Variants in COL27A1 observed in about 807,000 individuals in gnomAD.
COL27A1 encodes collagen type XXVII alpha 1 chain.
COL27A1 carries 106 observed loss-of-function variants against 251.3 expected under a neutral mutation model. The ratio of observed to expected loss-of-function variants is 0.42; its 90% CI spans 0.36 to 0.50. The LOEUF is 0.50. Ranked by LOEUF, COL27A1 falls within the 20% of genes least tolerant of loss-of-function variation. The pLI is 0.00. For missense variants in COL27A1, 2,325 were observed against 2,522.8 expected (o/e 0.92, Z 1.68); for synonymous variants, 1,000 against 986.3 (o/e 1.01, Z -0.26).
chr9:114,213,881 C>G (rs138977540), intron 12 of COL27A1, among the ~76,000 whole-genome samples: 2 of 152,170 alleles, frequency 1.3e-5, no homozygotes, highest in Non-Finnish European at 2.9e-5. Context: ...TAAGACTAGG[C>G]TCTGATCTTC....
chr9:114,209,316 C>T, intron 10 of COL27A1: 1 of 493,434 alleles, frequency 2.0e-6, no homozygotes, highest in South Asian at 1.7e-5. Context: ...TACCAGCATC[C>T]CTGGGGGTGG....
intron 57 of COL27A1, among the ~76,000 whole-genome samples, chr9:114,305,484 G>T (rs887993296): frequency 1.3e-5 from 2 of 152,324 alleles, no homozygotes; most frequent in Admixed American, 1.3e-4. Flanking sequence ...CATGATGAAG[G>T]AAAGTGGCTC....
At position 114,288,982 on chromosome 9, in the gene COL27A1, G is replaced by C. The variant is rs780462897; in HGVS notation, c.4152+15G>C. ...AGGGCCAACCCGTGAGTGGTGCTTC[G>C]TGTCCCATCCCTGCCTCCCACCCTG... On this transcript the variant is annotated intron_variant, in intron 44 of 60. Transcript: ENST00000356083. The C allele has an allele frequency of 6.2e-7, 1 of 1,613,488 alleles. No homozygotes were observed. Among genetic ancestry groups the C allele is most frequent in the Non-Finnish European group, 8.5e-7 (1 of 1,179,884 alleles).
intron 39 of COL27A1, 48 bp from the exon 40 acceptor site, chr9:114,283,661 G>A (rs780765806): frequency 7.6e-6 from 12 of 1,572,376 alleles, no homozygotes; most frequent in African/African-American, 6.7e-5. Flanking sequence ...CTGTGTCCCC[G>A]CTGTGAGAGC....
In COL27A1 at chr9:114,302,117, G is replaced by C; in HGVS notation, c.4872+9G>C. The C allele has an allele frequency of 6.2e-7, 1 of 1,611,888 alleles. No individual in the cohort carries two copies. Among genetic ancestry groups the C allele is most frequent in the Non-Finnish European group, 8.5e-7 (1 of 1,177,998 alleles). On this transcript the variant is annotated intron_variant, in intron 56 of 60. Transcript: ENST00000356083. ...GGGGTCCTATCCAATTGGTAAGTTG[G>C]AAACCTTCTCTTTTGCCTACTTGGG...
intron 59 of COL27A1, among the ~76,000 whole-genome samples, chr9:114,308,565 G>A (rs1470375166): frequency 1.3e-5 from 2 of 152,166 alleles, no homozygotes; most frequent in Admixed American, 6.5e-5. Flanking sequence ...ACTCCCCTGC[G>A]GCCAGAGCTC....
intron 40 of COL27A1, among the ~76,000 whole-genome samples, chr9:114,284,499 C>A (rs1219234312): frequency 2.0e-5 from 3 of 152,182 alleles, no homozygotes; most frequent in Non-Finnish European, 1.5e-5. Flanking sequence ...AGGGTGGGGC[C>A]CCCAACCATC....
At chr9:114,293,694 TAC>T (rs1471768186) in intron 49 of COL27A1, among the ~76,000 whole-genome samples, 2 of 152,152 alleles carry the variant, frequency 1.3e-5, no homozygotes, top group East Asian at 3.8e-4. Context: ...GCAATGTCAC[TAC>T]AGATATGACA....
intron 14 of COL27A1, among the ~76,000 whole-genome samples, chr9:114,229,111 A>G (rs112946238): frequency 0.075 from 11,490 of 152,222 alleles, 1,098 homozygotes; most frequent in African/African-American, 0.22. Context: ...GGCATGAGCC[A>G]TGGCGCCACG....
At chr9:114,251,233 C>T (rs1328962290) in intron 25 of COL27A1, among the ~76,000 whole-genome samples, 3 of 152,102 alleles carry the variant, frequency 2.0e-5, no homozygotes, top group African/African-American at 4.8e-5. Context: ...TGGGTTTATC[C>T]GATCCCCAGA....
chr9:114,280,067 T>C lies in COL27A1; in HGVS notation c.3718-2210T>C, dbSNP rs569239199. Among the ~76,000 whole-genome samples, 44 of 152,306 alleles carry C rather than the reference T, an allele frequency of 2.9e-4. 1 individual carries two copies. Among genetic ancestry groups the C allele is most frequent in the African/African-American group, 9.1e-4 (38 of 41,564 alleles). On this transcript the variant is annotated intron_variant, in intron 37 of 60. Transcript: ENST00000356083. ...TGGAAATACCTGATCCGTGTTTAGATTTTCATTGTATATAAAATTTCATTG... is the reference window on the plus strand; with the variant it reads ...TGGAAATACCTGATCCGTGTTTAGACTTTCATTGTATATAAAATTTCATTG...
At chr9:114,169,489 T>G in intron 3 of COL27A1, 26 bp downstream of exon 3, 1 of 1,486,128 alleles carries the variant, frequency 6.7e-7, no homozygotes, top group South Asian at 1.3e-5. Context: ...GTCTGCATGC[T>G]GCTTGGAGCT....
intron 8 of COL27A1, 93 bp downstream of exon 8, chr9:114,205,239 G>C (rs921106796): frequency 8.3e-7 from 1 of 1,206,214 alleles, no homozygotes; most frequent in African/African-American, 1.5e-5. Flanking sequence ...TGCTCTGTGA[G>C]CCAGCCCCAG....
chr9:114,193,953 G>C (rs1828924569), intron 5 of COL27A1, among the ~76,000 whole-genome samples: 1 of 152,146 alleles, frequency 6.6e-6, no homozygotes, highest in African/African-American at 2.4e-5. Context: ...GTGAACTGAA[G>C]AATGTTTGTG....
rs1424125431 is a variant in COL27A1, at chr9:114,167,737, G to A, written c.182G>A (p.Ser61Asn). The A allele has an allele frequency of 6.2e-7, 1 of 1,613,794 alleles. No individual in the cohort carries two copies. Among genetic ancestry groups the A allele is most frequent in the Non-Finnish European group, 8.5e-7 (1 of 1,179,930 alleles). The change falls in exon 3 of 61, where the codon AGC (serine) becomes AAC (asparagine). Residue 61 changes from serine to asparagine, a missense_variant. Transcript: ENST00000356083. ...RLGLSWTKAG[S>N]PAPPGVIPFQ... ...GGCCTCAGCTGGACGAAGGCCGGGAGCCCTGCACCCCCGGGAGTCATTCCT... is the reference window on the plus strand; with the variant it reads ...GGCCTCAGCTGGACGAAGGCCGGGAACCCTGCACCCCCGGGAGTCATTCCT...
chr9:114,224,442 G>A (rs1180926133), intron 14 of COL27A1, among the ~76,000 whole-genome samples: 2 of 152,046 alleles, frequency 1.3e-5, no homozygotes, highest in East Asian at 3.9e-4. Context: ...GCTTCCCAGG[G>A]CTCCTTCTTC....
intron 58 of COL27A1, 137 bp downstream of exon 58, chr9:114,306,825 C>T: frequency 1.1e-6 from 1 of 904,986 alleles, no homozygotes; most frequent in Non-Finnish European, 1.6e-6. Flanking sequence ...TTTATTCACT[C>T]AGCAGTCACA....
chr9:114,205,594 G>A lies in COL27A1; in HGVS notation c.2170-165G>A, dbSNP rs562001649. ...TTTGTCCCTCAGAGCTGGTCTGACC[G>A]GTTTCACAGAGGGGTGGGCTTGGGG... On this transcript the variant is annotated intron_variant, in intron 8 of 60. Transcript: ENST00000356083. 1.2e-4 allele frequency among the ~76,000 whole-genome samples: 18 copies of A among 152,310 alleles called. No homozygotes were observed. The South Asian group carries it at 2.3e-3, about 19-fold the overall frequency.
chr9:114,275,633 T>C, intron 36 of COL27A1, 28 bp from the exon 37 acceptor site: 3 of 1,450,912 alleles, frequency 2.1e-6, no homozygotes, highest in East Asian at 2.5e-5. Context: ...TCTCTCTCTC[T>C]CTCCCCTCTT....
Sources: gnomAD v4.1 joint callset for allele counts (sites outside exome capture counted in the v4.1 genomes callset) on GRCh38, gnomAD v4.1.1 for gene constraint, MANE v1.5 for transcripts, NCBI Gene and HGNC (gene_info 2026-07-23, HGNC 2026-07-21) for gene names.